MTHFD2L: variants seen among roughly 807,000 people sequenced by gnomAD.
MTHFD2L encodes bifunctional methylenetetrahydrofolate dehydrogenase/cyclohydrolase 2, mitochondrial.
MTHFD2L carries 29 observed loss-of-function variants against 34.9 expected under a neutral mutation model. The ratio of observed to expected loss-of-function variants is 0.83; its 90% CI spans 0.62 to 1.13. The LOEUF (loss-of-function observed/expected upper bound fraction) is 1.13, where lower values mean the gene tolerates loss of function less well. Ranked by LOEUF, MTHFD2L falls within the 50% of genes most tolerant of loss-of-function variation. MTHFD2L has a pLI of 0.00. For synonymous variants in MTHFD2L, 167 were observed against 155.7 expected (o/e 1.07, Z -0.54); for missense variants, 481 against 446.5 (o/e 1.08, Z -0.70).
chr4:74,219,711 T>C (rs1036176190), intron 5 of MTHFD2L, among the ~76,000 whole-genome samples: 8 of 152,140 alleles, frequency 5.3e-5, no homozygotes, highest in African/African-American at 1.7e-4. Context: ...CATTTGCTTT[T>C]AGCTGTTTGG....
At chr4:74,241,666 C>T (rs771387291) in intron 6 of MTHFD2L, 47 of 402,048 alleles carry the variant, frequency 1.2e-4, no homozygotes, top group Non-Finnish European at 2.3e-4. Context: ...GCATGAGCCA[C>T]CACACCCGGC....
At position 74,170,505 on chromosome 4, in the gene MTHFD2L, A is replaced by G. The variant is rs546365226; in HGVS notation, c.144-4001A>G. Among the ~76,000 whole-genome samples, 11 of 152,344 alleles carry G rather than the reference A, an allele frequency of 7.2e-5. No individual in the cohort carries two copies. In the East Asian group the frequency reaches 2.1e-3, roughly 29 times the overall value. On this transcript the variant is annotated intron_variant, in intron 1 of 7. Coordinates refer to ENST00000325278, the MANE Select transcript of MTHFD2L (RefSeq NM_001144978.3). ...TAAAACATCTAGAAGAAAACGCTGG[A>G]GAAAACCTTTGTGACCTTGAATTAG...
At chr4:74,250,212 G>T (rs953867147) in intron 6 of MTHFD2L, among the ~76,000 whole-genome samples, 28 of 151,922 alleles carry the variant, frequency 1.8e-4, no homozygotes, top group Non-Finnish European at 3.5e-4. Flanking sequence ...TTCCCTTCTT[G>T]CTTCGGATTT....
At chr4:74,189,443 T>G (rs934944712) in intron 3 of MTHFD2L, among the ~76,000 whole-genome samples, 19 of 151,154 alleles carry the variant, frequency 1.3e-4, no homozygotes, top group African/African-American at 4.4e-4. Context: ...TAAAGTATGT[T>G]AACCACATGA....
chr4:74,226,778 G>A (rs568128358), intron 6 of MTHFD2L, among the ~76,000 whole-genome samples: 1 of 152,118 alleles, frequency 6.6e-6, no homozygotes, highest in East Asian at 1.9e-4. Context: ...TTAAATTTTA[G>A]GAATACAGCA....
At chr4:74,167,998 A>C (rs1002521810) in intron 1 of MTHFD2L, among the ~76,000 whole-genome samples, 1 of 152,018 alleles carries the variant, frequency 6.6e-6, no homozygotes, top group Non-Finnish European at 1.5e-5. Flanking sequence ...TAGCACCTCC[A>C]TGGCTACCCC....
intron 6 of MTHFD2L, among the ~76,000 whole-genome samples, chr4:74,245,680 A>G (rs952022997): frequency 6.6e-6 from 1 of 150,894 alleles, no homozygotes. Flanking sequence ...TCCTGTGTCC[A>G]TGTGTTCTCA....
At chr4:74,206,914 C>T (rs1735429658) in intron 5 of MTHFD2L, among the ~76,000 whole-genome samples, 1 of 151,786 alleles carries the variant, frequency 6.6e-6, no homozygotes, top group Non-Finnish European at 1.5e-5. Flanking sequence ...TGAATTTTTA[C>T]TTTTGAGACA....
At chr4:74,182,150 A>G (rs900069105) in intron 3 of MTHFD2L, among the ~76,000 whole-genome samples, 1 of 152,146 alleles carries the variant, frequency 6.6e-6, no homozygotes. Flanking sequence ...GAGAAACCCC[A>G]GTTCTGTGTT....
chr4:74,297,864 TTAGAG>T (rs1254019925), intron 7 of MTHFD2L, among the ~76,000 whole-genome samples: 1 of 152,086 alleles, frequency 6.6e-6, no homozygotes. Context: ...TGCAAAATCA[TTAGAG>T]TAGAGAATTT....
rs1368259601 is a variant in MTHFD2L at position 74,130,945 on chromosome 4, T to C, written c.-297+5428T>C. ...CACAAGCATTCCTATACACCAATAA[T>C]AGACAAACAGAGAACTAAATCCTGA... On this transcript the variant is annotated intron_variant, in intron 1 of 7. Transcript: ENST00000433372. 4.0e-5 allele frequency among the ~76,000 whole-genome samples: 6 copies of C among 151,872 alleles called. No homozygotes were observed. The East Asian group carries it at 5.8e-4, about 15-fold the overall frequency.
intron 3 of MTHFD2L, chr4:74,181,690 C>G (rs890990761): frequency 6.6e-6 from 1 of 152,248 alleles, no homozygotes; most frequent in South Asian, 2.1e-4. Flanking sequence ...CTTCAGTTGT[C>G]TAGTTTGAAG....
chr4:74,182,509 G>C (rs1411332661), intron 3 of MTHFD2L, among the ~76,000 whole-genome samples: 1 of 152,076 alleles, frequency 6.6e-6, no homozygotes, highest in Non-Finnish European at 1.5e-5. Context: ...TCACTATATT[G>C]GTTACCTTTC....
At chr4:74,243,695 C>CCAA (rs1176268637) in intron 6 of MTHFD2L, among the ~76,000 whole-genome samples, 1 of 151,688 alleles carries the variant, frequency 6.6e-6, no homozygotes, top group Non-Finnish European at 1.5e-5. Context: ...TTTGTTTGGT[C>CCAA]CTTACATCAC....
chr4:74,167,773 G>T (rs1028222691), intron 1 of MTHFD2L, among the ~76,000 whole-genome samples: 1 of 152,210 alleles, frequency 6.6e-6, no homozygotes, highest in Non-Finnish European at 1.5e-5. Flanking sequence ...GACTCACTAA[G>T]CACAGTGTTC....
At chr4:74,266,731 A>C (rs1484286371) in intron 6 of MTHFD2L, 2 of 358,652 alleles carry the variant, frequency 5.6e-6, no homozygotes, top group African/African-American at 4.4e-5. Context: ...GCTAAGAAGT[A>C]AGGTCTCCAC....
At position 74,267,753 on chromosome 4, in the gene MTHFD2L, A is replaced by G. The variant is rs937986743; in HGVS notation, c.806-13672A>G. ...AAGGTTTGATTGATGGGAGGAAGAA[A>G]AGAGAAGCACACATTTGGACCCCAC... On this transcript the variant is annotated intron_variant, in intron 6 of 7. Coordinates refer to ENST00000325278, the MANE Select transcript of MTHFD2L (RefSeq NM_001144978.3). 4.1e-6 allele frequency: 4 copies of G among 985,262 alleles called. No individual in the cohort carries two copies. In the African/African-American group the frequency reaches 7.0e-5, roughly 17 times the overall value. 61.0% of individuals were successfully genotyped at this position (985,262 alleles called of 1,614,324 possible).
intron 1 of MTHFD2L, among the ~76,000 whole-genome samples, chr4:74,145,508 A>T (rs1248776244): frequency 2.0e-5 from 3 of 152,240 alleles, no homozygotes; most frequent in South Asian, 4.1e-4. Context: ...CAATTAGGAA[A>T]CTCTATTTAT....
At chr4:74,228,804 A>T (rs1391277884) in intron 6 of MTHFD2L, among the ~76,000 whole-genome samples, 1 of 152,334 alleles carries the variant, frequency 6.6e-6, no homozygotes, top group East Asian at 1.9e-4. Flanking sequence ...AATAAACAAG[A>T]CAGGAGCCAG....
Sources: gnomAD v4.1 joint callset for allele counts (sites outside exome capture counted in the v4.1 genomes callset) on GRCh38, gnomAD v4.1.1 for gene constraint, MANE v1.5 for transcripts, NCBI Gene and HGNC (gene_info 2026-07-23, HGNC 2026-07-21) for gene names.